LOXL4: variants seen among roughly 807,000 people sequenced by gnomAD.
LOXL4 encodes the protein lysyl oxidase homolog 4.
Under a neutral mutation model 89.1 loss-of-function variants are expected in LOXL4, and 72 were observed. The ratio of observed to expected loss-of-function variants is 0.81; its 90% confidence interval spans 0.67 to 0.98. The LOEUF (loss-of-function observed/expected upper bound fraction) is 0.98, where lower values mean the gene tolerates loss of function less well. LOXL4 is among the 50% of genes least tolerant of loss of function. The pLI is 0.00. For synonymous variants in LOXL4, 355 were observed against 392.1 expected (o/e 0.91, Z 1.12); for missense variants, 984 against 1,017.5 (o/e 0.97, Z 0.45).
At chr10:98,257,597 T>C in intron 8 of LOXL4, 53 bp downstream of exon 8, 1 of 1,578,530 alleles carries the variant, frequency 6.3e-7, no homozygotes, top group Non-Finnish European at 8.6e-7. Flanking sequence ...TCCTGGGGAC[T>C]CCCCAGGGTT....
At position 98,251,108 on chromosome 10, in the gene LOXL4, G is replaced by A; in HGVS notation, c.2157C>T (p.Cys719=). The A allele has an allele frequency of 6.2e-7, 1 of 1,614,104 alleles. No individual in the cohort carries two copies. The highest frequency in any genetic ancestry group is 8.5e-7 in the Non-Finnish European group (1 of 1,180,002). ...DFSNNMLQCR[C]KYDGHRVWLH... ...GCCAGACCCGGTGCCCATCATACTT[G>A]CAGCGGCACTGCAGCATATTGTTGG... The change falls in exon 14 of 15, where the codon TGC becomes TGT. Residue 719 remains cysteine (C), a synonymous_variant. Coordinates refer to ENST00000260702, the MANE Select transcript of LOXL4 (RefSeq NM_032211.7).
At chr10:98,253,052 GCTC>G (rs1287795137) in intron 11 of LOXL4, among the ~76,000 whole-genome samples, 1 of 152,220 alleles carries the variant, frequency 6.6e-6, no homozygotes, top group African/African-American at 2.4e-5. Context: ...TGGTCTGGAA[GCTC>G]CTGATAGGAA....
intron 1 of LOXL4, among the ~76,000 whole-genome samples, chr10:98,265,898 T>G (rs1445979528): frequency 6.6e-6 from 1 of 152,094 alleles, no homozygotes; most frequent in Non-Finnish European, 1.5e-5. Flanking sequence ...GATGCTCCCC[T>G]CTCCACTCCC....
intron 1 of LOXL4, among the ~76,000 whole-genome samples, chr10:98,265,692 C>T (rs975047087): frequency 1.4e-5 from 1 of 71,340 alleles, no homozygotes; most frequent in Non-Finnish European, 3.5e-5. Context: ...GCCACTACAT[C>T]GGCCAACAAT....
At chr10:98,251,972 A>G (rs550507086) in intron 12 of LOXL4, 23 of 518,474 alleles carry the variant, frequency 4.4e-5, no homozygotes, top group Middle Eastern at 5.1e-4. Flanking sequence ...GCATCCGCCT[A>G]TCCATCCTTC....
chr10:98,257,039 T>C, intron 8 of LOXL4, 92 bp from the exon 9 acceptor site: 1 of 1,440,134 alleles, frequency 6.9e-7, no homozygotes, highest in East Asian at 2.5e-5. Context: ...GCCAGCTCAC[T>C]GTGTCACCCT....
intron 12 of LOXL4, chr10:98,252,137 T>C: frequency 1.8e-6 from 1 of 548,722 alleles, no homozygotes; most frequent in Non-Finnish European, 3.3e-6. Context: ...GCTGAGTGTT[T>C]TAAAAGAAGA....
chr10:98,249,020 G>A (rs777861247), intron 14 of LOXL4, 29 bp from the exon 15 acceptor site: 1 of 1,586,706 alleles, frequency 6.3e-7, no homozygotes, highest in East Asian at 2.2e-5. Context: ...CAGGTAAGTA[G>A]CCAACCTTTC....
chr10:98,253,477 G>A (rs1220436399), intron 11 of LOXL4, 76 bp downstream of exon 11: 2 of 1,596,524 alleles, frequency 1.3e-6, no homozygotes, highest in Admixed American at 1.7e-5. Context: ...CTGTGGCCAG[G>A]GAAGGGCCAA....
In LOXL4 at chr10:98,253,732, C is replaced by T. The variant is rs376068066; in HGVS notation, c.1656G>A (p.Pro552=). 3.1e-5 allele frequency: 50 copies of T among 1,614,186 alleles called. No homozygotes were observed. The highest frequency in any genetic ancestry group is 2.7e-4 in the East Asian group (12 of 44,884). Residue 552 remains proline (P), a synonymous_variant, in exon 11 of 15, where the codon CCG becomes CCA. Coordinates refer to ENST00000260702, the MANE Select transcript of LOXL4 (RefSeq NM_032211.7). ...VQETAYLEDR[P]LSQLYCAHEE... is the part of the protein sequence containing the mutation. Reference sequence around the variant, plus strand: ...CGTGGGCACAATACAGCTGGCTGAGCGGGCGGTCCTCCAAGTAGGCCGTCT... The same window carrying T: ...CGTGGGCACAATACAGCTGGCTGAGTGGGCGGTCCTCCAAGTAGGCCGTCT...
intron 1 of LOXL4, among the ~76,000 whole-genome samples, chr10:98,264,510 C>T (rs1858632009): frequency 1.3e-5 from 2 of 151,680 alleles, no homozygotes; most frequent in Non-Finnish European, 2.9e-5. Context: ...TTGCCTTCAT[C>T]CTGTAGGAAG....
intron 3 of LOXL4, among the ~76,000 whole-genome samples, chr10:98,261,531 T>C (rs1858541982): frequency 6.6e-6 from 1 of 152,154 alleles, no homozygotes; most frequent in South Asian, 2.1e-4. Flanking sequence ...AGCAGGATCC[T>C]ATGGCCCACA....
intron 1 of LOXL4, among the ~76,000 whole-genome samples, chr10:98,264,388 A>C (rs1858629553): frequency 6.7e-6 from 1 of 148,830 alleles, no homozygotes; most frequent in Admixed American, 6.8e-5. Context: ...GTGCAAGAGC[A>C]GGAAGTGCCC....
intron 3 of LOXL4, 117 bp downstream of exon 3, chr10:98,261,918 T>C (rs908226551): frequency 9.3e-7 from 1 of 1,078,426 alleles, no homozygotes; most frequent in Non-Finnish European, 1.3e-6. Context: ...CTGGGGACGA[T>C]GCTCAGTGCA....
intron 12 of LOXL4, 36 bp from the exon 13 acceptor site, chr10:98,251,738 A>G: frequency 6.2e-7 from 1 of 1,611,334 alleles, no homozygotes; most frequent in Non-Finnish European, 8.5e-7. Flanking sequence ...TTGAGGCAGG[A>G]CGAAGCACTC....
intron 8 of LOXL4, 76 bp from the exon 9 acceptor site, chr10:98,257,023 G>A: frequency 1.3e-6 from 2 of 1,501,964 alleles, no homozygotes; most frequent in South Asian, 1.3e-5. Flanking sequence ...CTGGAGGTCT[G>A]CCCAAGCCAG....
At position 98,262,877 on chromosome 10, in the gene LOXL4, A is replaced by C. The variant is rs1174479669; in HGVS notation, c.143T>G (p.Val48Gly). The C allele has an allele frequency of 1.2e-6, 2 of 1,613,474 alleles. No individual in the cohort carries two copies. The highest frequency in any genetic ancestry group is 8.5e-7 in the Non-Finnish European group (1 of 1,180,030). ...GGTGCCCCACTGGCCCTGGTGCAGC[A>C]CCTCCAGGCGGCCCTCCTCTGGCTT... ...ESKPEEGRLE[V>G]LHQGQWGTVC... The change falls in exon 2 of 15, where the codon GTG becomes GGG. Residue 48 changes from valine to glycine, a missense_variant. By Grantham distance (109) the Val-to-Gly change is moderately radical (BLOSUM62 -3). Coordinates refer to ENST00000260702, the MANE Select transcript of LOXL4 (RefSeq NM_032211.7).
At chr10:98,253,522 C>T (rs374752870) in intron 11 of LOXL4, 31 bp downstream of exon 11, 1 of 1,613,372 alleles carries the variant, frequency 6.2e-7, no homozygotes, top group Non-Finnish European at 8.5e-7. Context: ...GTTCCTAACC[C>T]TCTAGTGCCA....
Position 98,255,735 on chromosome 10 carries a change from G to T in LOXL4, c.1433C>A (p.Thr478Asn), listed in dbSNP as rs778812164. Residue 478 changes from threonine to asparagine, a missense_variant, in exon 10 of 15, where the codon ACC (threonine) becomes AAC (asparagine). Transcript: ENST00000260702. ...CCTTGGCGTCCCCGACCAGAACCAG[G>T]TTTCCTAAGAAGACAGCCAGCGTCA... ...LGFAIHAYKETWFWSGTPRAQ... is the reference protein window; with the variant it reads ...LGFAIHAYKENWFWSGTPRAQ... The T allele has an allele frequency of 2.5e-6, 4 of 1,609,308 alleles. No individual in the cohort carries two copies. In the South Asian group the frequency reaches 3.3e-5, roughly 13 times the overall value.
Sources: allele counts gnomAD v4.1 joint callset (sites outside exome capture counted in the v4.1 genomes callset), GRCh38; gene constraint gnomAD v4.1.1; transcripts MANE v1.5; gene names NCBI Gene and HGNC (gene_info 2026-07-23, HGNC 2026-07-21).